The following MYO16 variants were observed in gnomAD, a reference collection of about 807,000 sequenced individuals.
MYO16 encodes unconventional myosin-XVI.
MYO16 carries 94 observed loss-of-function variants against 205.3 expected under a neutral mutation model. The ratio of observed to expected loss-of-function variants is 0.46; its 90% confidence interval spans 0.39 to 0.54. MYO16 has a LOEUF of 0.54. Ranked by LOEUF, MYO16 falls within the 20% of genes least tolerant of loss-of-function variation. MYO16 has a pLI of 0.00. For missense variants in MYO16, 2,315 were observed against 2,387.5 expected (o/e 0.97, Z 0.63); for synonymous variants, 988 against 954.0 (o/e 1.04, Z -0.66).
chr13:109,206,703 G>T lies in MYO16; in HGVS notation c.5510G>T (p.Trp1837Leu). 1.2e-6 allele frequency: 2 copies of T among 1,614,174 alleles called. No homozygotes were observed. The highest frequency in any genetic ancestry group is 1.7e-6 in the Non-Finnish European group (2 of 1,180,016). ...AAGCTCTGTGAGGAAGGACAAGACT[G>T]GCAGCAGATCCTGCACCACGCTGAG... ...RRKLCEEGQDWQQILHHAEPR... is the reference protein window; with the variant it reads ...RRKLCEEGQDLQQILHHAEPR... The change falls in exon 35 of 35, where the codon TGG becomes TTG. Residue 1837 changes from tryptophan (W) to leucine (L), a missense_variant. Physicochemically the swap from Trp to Leu is moderately conservative, Grantham distance 61 (BLOSUM62 -2). Coordinates refer to ENST00000457511, the MANE Select transcript of MYO16 (RefSeq NM_001198950.3).
At chr13:108,622,280 G>C (rs1423487936) in intron 1 of MYO16, among the ~76,000 whole-genome samples, 1 of 152,158 alleles carries the variant, frequency 6.6e-6, no homozygotes, top group Non-Finnish European at 1.5e-5. Flanking sequence ...GTGATGGTTG[G>C]AATTGTACTT....
the MYO16 span, among the ~76,000 whole-genome samples, chr13:108,570,039 T>C: frequency 3.9e-3 from 595 of 152,246 alleles, 24 homozygotes; most frequent in East Asian, 0.1. Flanking sequence ...ATCCTTGTAT[T>C]TTATTGAAGA....
At chr13:109,034,267 C>CT (rs1270995062) in intron 23 of MYO16, among the ~76,000 whole-genome samples, 1 of 152,190 alleles carries the variant, frequency 6.6e-6, no homozygotes, top group African/African-American at 2.4e-5. Flanking sequence ...TATGCTTAGG[C>CT]TTTATGTCCC....
rs764279078 is a variant in MYO16, at chr13:109,125,285, C to T, written c.3709C>T (p.Arg1237Cys). The T allele has an allele frequency of 4.5e-5, 73 of 1,613,896 alleles. No homozygotes were observed. Among genetic ancestry groups the T allele is most frequent in the South Asian group, 3.3e-4 (30 of 91,078 alleles). The part of the protein sequence containing the change: ...SDIARENDRL[R>C]SEMNAPYHKE... ...CATTGCCCGGGAAAATGACCGGCTC[C>T]GTAGTGAAATGAACGCTCCCTACCA... Residue 1237 changes from arginine (R) to cysteine (C), a missense_variant, in exon 30 of 35, where the codon CGT becomes TGT. By Grantham distance (180) the Arg-to-Cys change is radical. Transcript: ENST00000457511. This position sits in a 1 kb window ranked among gnomAD's most constrained non-coding sequence, Gnocchi z 4.0.
intron 6 of MYO16, among the ~76,000 whole-genome samples, chr13:108,797,301 T>C (rs562928626): frequency 3.9e-5 from 6 of 152,308 alleles, no homozygotes; most frequent in African/African-American, 1.2e-4. Flanking sequence ...CTCAGATCTC[T>C]AGATGAAAGA....
chr13:108,967,517 TG>T (rs1201439982), intron 20 of MYO16, among the ~76,000 whole-genome samples: 1 of 152,134 alleles, frequency 6.6e-6, no homozygotes, highest in African/African-American at 2.4e-5. Context: ...GGCTGCCTAC[TG>T]GGGTGTTGTC....
At chr13:108,530,043 C>T in the MYO16 span, among the ~76,000 whole-genome samples, 709 of 152,296 alleles carry the variant, frequency 4.7e-3, 6 homozygotes, top group African/African-American at 0.016. Flanking sequence ...CAGGTGGGTC[C>T]GTGTGCATTC....
chr13:109,168,892 A>C (rs111275819), intron 33 of MYO16, among the ~76,000 whole-genome samples: 4 of 67,342 alleles, frequency 5.9e-5, no homozygotes, highest in African/African-American at 1.3e-4. Context: ...GCTCGGGTAC[A>C]GTGTCGGTAT....
At chr13:109,203,840 C>G (rs1030361966) in intron 34 of MYO16, among the ~76,000 whole-genome samples, 4 of 152,194 alleles carry the variant, frequency 2.6e-5, no homozygotes, top group Admixed American at 2.6e-4. Context: ...TGGCCTAGGG[C>G]GCCCATCACC....
At chr13:108,663,833 CT>C (rs1376821530) in intron 1 of MYO16, among the ~76,000 whole-genome samples, 4 of 151,934 alleles carry the variant, frequency 2.6e-5, no homozygotes, top group East Asian at 1.9e-4. Context: ...ATTCTTTAGG[CT>C]TTTTTTTGTG....
At chr13:109,051,496 G>A (rs1030951696) in intron 24 of MYO16, among the ~76,000 whole-genome samples, 2 of 152,032 alleles carry the variant, frequency 1.3e-5, no homozygotes, top group Non-Finnish European at 2.9e-5. Context: ...TATAGGAAAG[G>A]ACACTTAGGC....
intron 34 of MYO16, among the ~76,000 whole-genome samples, chr13:109,186,129 G>A (rs1879677002): frequency 6.6e-6 from 1 of 152,024 alleles, no homozygotes; most frequent in Admixed American, 6.6e-5. Context: ...TCACACCATT[G>A]CATTCCAGCC....
chr13:108,964,567 T>A (rs1027380007), intron 19 of MYO16, among the ~76,000 whole-genome samples, 194 bp from the exon 20 acceptor site: 4 of 152,212 alleles, frequency 2.6e-5, no homozygotes, highest in African/African-American at 9.6e-5. Flanking sequence ...AAGATTGCAA[T>A]GTACATGACT....
intron 9 of MYO16, among the ~76,000 whole-genome samples, chr13:108,840,922 G>C (rs1398327143): frequency 2.6e-5 from 4 of 152,146 alleles, no homozygotes; most frequent in Non-Finnish European, 5.9e-5. Flanking sequence ...AAAGGTACTT[G>C]TTTTCATGCA....
rs78395902 is a variant in MYO16 at position 109,076,519 on chromosome 13, G to A, written c.3335+20924G>A. 4.1e-3 allele frequency among the ~76,000 whole-genome samples: 630 copies of A among 152,228 alleles called. 4 individuals carry two copies. The highest frequency in any genetic ancestry group is 0.014 in the African/African-American group (597 of 41,522). ...GCTCCAGGAGAAGCCTCTACTTCAG[G>A]CTCAAGGGGAAGGACATGAAACTCC... On this transcript the variant is annotated intron_variant, in intron 27 of 34. Coordinates refer to ENST00000457511, the MANE Select transcript of MYO16 (RefSeq NM_001198950.3).
the MYO16 span, among the ~76,000 whole-genome samples, chr13:108,521,587 G>A: frequency 9.2e-5 from 14 of 152,070 alleles, no homozygotes; most frequent in African/African-American, 2.9e-4. Flanking sequence ...TACTTACTGC[G>A]GTCACCTTTT....
chr13:108,682,408 G>A (rs1424312925), intron 2 of MYO16, among the ~76,000 whole-genome samples: 6 of 151,578 alleles, frequency 4.0e-5, no homozygotes, highest in Non-Finnish European at 8.8e-5. Context: ...TCAATCACGG[G>A]CTGCATGGAA....
the MYO16 span, among the ~76,000 whole-genome samples, chr13:108,553,456 G>C: frequency 1.3e-5 from 2 of 152,196 alleles, no homozygotes; most frequent in African/African-American, 4.8e-5. Flanking sequence ...GACCCTACCA[G>C]TCTGGATGAG....
the MYO16 span, among the ~76,000 whole-genome samples, chr13:108,498,405 GGA>G: frequency 4.6e-5 from 7 of 152,074 alleles, no homozygotes; most frequent in African/African-American, 1.7e-4. Flanking sequence ...AGATGTGGAG[GGA>G]GAGAGAGTGA....
Sources: gnomAD v4.1 joint callset for allele counts (sites outside exome capture counted in the v4.1 genomes callset) on GRCh38, gnomAD v4.1.1 for gene constraint, Gnocchi (gnomAD v3.1) non-coding constraint, MANE v1.5 for transcripts, NCBI Gene and HGNC (gene_info 2026-07-23, HGNC 2026-07-21) for gene names.